Variants in MATN2 observed in about 807,000 individuals in gnomAD.
MATN2 encodes matrilin-2.
In MATN2, 69 loss-of-function variants were observed where a neutral mutation model predicts 103.2. That is an observed-to-expected ratio of 0.67 (90% CI 0.55 to 0.82). MATN2 has a LOEUF of 0.82. Among genes scored for constraint, MATN2 ranks in the 40% least tolerant of loss-of-function variants. The pLI, the probability that MATN2 is intolerant of heterozygous loss-of-function variation, is 0.00. For synonymous variants in MATN2, 429 were observed against 450.2 expected, an observed-to-expected ratio of 0.95 and a Z score of 0.60; for missense variants, 1,023 against 1,211.5, an observed-to-expected ratio of 0.84 and a Z score of 2.31.
chr8:97,901,687 A>G (rs1265086310), intron 2 of MATN2, among the ~76,000 whole-genome samples: 29 of 152,242 alleles, frequency 1.9e-4, no homozygotes. Flanking sequence ...GGCCAGGGTC[A>G]CATCTGGCTC....
chr8:97,937,655 C>T (rs1336146304), intron 3 of MATN2, among the ~76,000 whole-genome samples: 2 of 146,264 alleles, frequency 1.4e-5, no homozygotes, highest in African/African-American at 2.6e-5. Context: ...GTGGCACGAC[C>T]TCAGCTCACT....
chr8:97,974,145 A>G (rs2130296779), intron 5 of MATN2, among the ~76,000 whole-genome samples: 1 of 151,888 alleles, frequency 6.6e-6, no homozygotes, highest in South Asian at 2.1e-4. Flanking sequence ...TATTTTATTT[A>G]TTTATTTATT....
At chr8:97,971,766 C>T (rs1811660879) in intron 5 of MATN2, among the ~76,000 whole-genome samples, 1 of 152,132 alleles carries the variant, frequency 6.6e-6, no homozygotes. Context: ...TTTCATCTTT[C>T]ACAGAGTGGA....
At chr8:97,959,168 G>C (rs957565438) in intron 4 of MATN2, among the ~76,000 whole-genome samples, 1 of 152,140 alleles carries the variant, frequency 6.6e-6, no homozygotes, top group Non-Finnish European at 1.5e-5. Flanking sequence ...TGGCCTTTCT[G>C]TTCCTCAAAT....
intron 5 of MATN2, among the ~76,000 whole-genome samples, chr8:97,972,349 AAAAAAAG>A (rs1425028662): frequency 9.2e-5 from 14 of 151,760 alleles, no homozygotes; most frequent in East Asian, 3.9e-4. Context: ...AAAAAAAAAA[AAAAAAAG>A]AAAAGAAAAG....
chr8:97,897,038 T>C (rs1384365123), intron 2 of MATN2, among the ~76,000 whole-genome samples: 2 of 150,216 alleles, frequency 1.3e-5, no homozygotes, highest in African/African-American at 4.9e-5. Flanking sequence ...TCAGGCAATA[T>C]GGCCGGGCTG....
chr8:98,028,365 A>G (rs1586173371), intron 14 of MATN2, among the ~76,000 whole-genome samples: 1 of 152,132 alleles, frequency 6.6e-6, no homozygotes, highest in Non-Finnish European at 1.5e-5. Flanking sequence ...ACAGATTATG[A>G]CTCTAAGCTC....
At chr8:97,911,906 C>T (rs779280183) in intron 2 of MATN2, among the ~76,000 whole-genome samples, 2 of 152,146 alleles carry the variant, frequency 1.3e-5, no homozygotes, top group South Asian at 2.1e-4. Context: ...TCTTACTTTG[C>T]GCCAGGCACT....
Position 98,024,491 on chromosome 8 carries a change from C to T in MATN2, c.1943-2925C>T, listed in dbSNP as rs559372853. 4.0e-5 allele frequency among the ~76,000 whole-genome samples: 6 copies of T among 151,288 alleles called. No homozygotes were observed. The South Asian group carries it at 1.2e-3, about 31-fold the overall frequency. ...CTGCACTCCAGCCTGGGCGAGAGAGCGAGATGCCATCTCAAACAACAACAA... is the reference window on the plus strand; with the variant it reads ...CTGCACTCCAGCCTGGGCGAGAGAGTGAGATGCCATCTCAAACAACAACAA... On this transcript the variant is annotated intron_variant, in intron 13 of 18. Transcript: ENST00000254898.
At chr8:97,945,709 A>ATATAT (rs1308655746) in intron 4 of MATN2, among the ~76,000 whole-genome samples, 66 of 66,066 alleles carry the variant, frequency 1.0e-3, no homozygotes, top group Non-Finnish European at 1.5e-3. Context: ...ACTATAGAAA[A>ATATAT]AAAAAAAAAT....
chr8:97,993,811 G>A (rs906393309), intron 6 of MATN2, among the ~76,000 whole-genome samples: 1 of 152,040 alleles, frequency 6.6e-6, no homozygotes, highest in Admixed American at 6.5e-5. Flanking sequence ...CTTTGGGAAC[G>A]TTTAATTGTT....
intron 5 of MATN2, among the ~76,000 whole-genome samples, chr8:97,968,749 C>T (rs1419279832): frequency 6.6e-6 from 1 of 152,214 alleles, no homozygotes; most frequent in African/African-American, 2.4e-5. Context: ...CTTAACAAGT[C>T]TCTAAGGGGT....
rs564578937 is a variant in MATN2 at position 97,965,005 on chromosome 8, A to T, written c.958+3475A>T. Among the ~76,000 whole-genome samples, 74 of 152,268 alleles carry T rather than the reference A, an allele frequency of 4.9e-4. 1 individual carries two copies. The South Asian group carries it at 0.015, about 30-fold the overall frequency. ...TGCCTCGGCCTCCTAAAGTGCAGGG[A>T]TTATAGACATGAGCCACTGCGCCCG... is the stretch of plus-strand genomic sequence containing the variant. On this transcript the variant is annotated intron_variant, in intron 5 of 18. Coordinates refer to ENST00000254898, the MANE Select transcript of MATN2 (RefSeq NM_002380.5).
Position 97,915,482 on chromosome 8 carries a change from C to G in MATN2, c.143-15471C>G, listed in dbSNP as rs547616010. On this transcript the variant is annotated intron_variant, in intron 2 of 18. Transcript: ENST00000254898. ...TCTCCGAAGACAAACTTTGCCTTTG[C>G]TGGCACAGGGCTGTGGAACCTTGTG... Among the ~76,000 whole-genome samples, 15 of 152,338 alleles carry G rather than the reference C, an allele frequency of 9.8e-5. No individual in the cohort carries two copies. In the East Asian group the frequency reaches 2.5e-3, roughly 26 times the overall value.
intron 4 of MATN2, among the ~76,000 whole-genome samples, chr8:97,959,250 A>G (rs188840227): frequency 2.6e-4 from 39 of 152,320 alleles, no homozygotes; most frequent in African/African-American, 5.1e-4. Flanking sequence ...CTAAAGGTTC[A>G]TGTTATTAAC....
intron 4 of MATN2, among the ~76,000 whole-genome samples, chr8:97,958,940 A>G (rs964962932): frequency 1.3e-5 from 2 of 152,260 alleles, no homozygotes; most frequent in South Asian, 2.1e-4. Context: ...TTCAGCTGCC[A>G]CGCCTCTCCT....
At chr8:97,923,164 A>G (rs1453618186) in intron 2 of MATN2, among the ~76,000 whole-genome samples, 1 of 151,168 alleles carries the variant, frequency 6.6e-6, no homozygotes, top group Non-Finnish European at 1.5e-5. Flanking sequence ...CTAGCTCATT[A>G]CGATCATGGC....
At chr8:98,030,387 G>A (rs1813969437) in intron 14 of MATN2, 75 bp from the exon 15 acceptor site, 2 of 1,188,590 alleles carry the variant, frequency 1.7e-6, no homozygotes, top group Non-Finnish European at 2.4e-6. Flanking sequence ...CTGGCTTTGG[G>A]TGCAGTACAC....
rs34347663 is a variant in MATN2, at chr8:97,997,817, GTT to G, written c.1204+3233_1204+3234del. ...TGCTAAAAAGAACCATTTGGAGAAG[GTT>G]TTTTTTTTTTTTTTTTTCCAGACAG... is the stretch of plus-strand genomic sequence containing the variant. On this transcript the variant is annotated intron_variant, in intron 7 of 18. Transcript: ENST00000254898. 8.4e-3 allele frequency among the ~76,000 whole-genome samples: 1,122 copies of G among 133,618 alleles called. 18 individuals carry two copies. Among genetic ancestry groups the G allele is most frequent in the African/African-American group, 0.028 (1,002 of 35,702 alleles). The allele number at this position is 133,618 out of a possible 152,430, so 87.7% of individuals were successfully genotyped here. A position where few individuals can be genotyped will look rare whatever the true frequency, so the allele number is the denominator to read the frequency against.
Sources: allele counts gnomAD v4.1 joint callset (sites outside exome capture counted in the v4.1 genomes callset), GRCh38; gene constraint gnomAD v4.1.1; transcripts MANE v1.5; gene names NCBI Gene and HGNC (gene_info 2026-07-23, HGNC 2026-07-21).